PCDHA9: variants seen among roughly 807,000 people sequenced by gnomAD.
PCDHA9 encodes protocadherin alpha-9.
In PCDHA9, 62 loss-of-function variants were observed where a neutral mutation model predicts 62.0. That is an observed-to-expected ratio of 1.00 (90% CI 0.81 to 1.23). PCDHA9 has a LOEUF of 1.23. Ranked by LOEUF, PCDHA9 falls within the 50% of genes most tolerant of loss-of-function variation. PCDHA9 has a pLI of 0.00. For missense variants in PCDHA9, 1,205 were observed against 1,249.8 expected (o/e 0.96, Z 0.54); for synonymous variants, 557 against 567.6 (o/e 0.98, Z 0.27).
chr5:140,913,981 G>A (rs1222294742), intron 1 of PCDHA9, among the ~76,000 whole-genome samples: 1 of 152,090 alleles, frequency 6.6e-6, no homozygotes, highest in Non-Finnish European at 1.5e-5. Flanking sequence ...TTTAGGACTT[G>A]TATTGTGACT....
rs2150473987 is a variant in PCDHA9 at position 140,850,218 on chromosome 5, G to A, written c.1723G>A (p.Gly575Ser). 1.9e-6 allele frequency: 3 copies of A among 1,593,686 alleles called. No homozygotes were observed. The highest frequency in any genetic ancestry group is 1.3e-5 in the African/African-American group (1 of 74,440). ...GACACCTCGGATGAGGGGCACTGACGGCGCAGTGAGCGAGATGGTGCTGCG... is the reference window on the plus strand; with the variant it reads ...GACACCTCGGATGAGGGGCACTGACAGCGCAGTGAGCGAGATGGTGCTGCG... The part of the protein sequence containing the change: ...LLTPRMRGTD[G>S]AVSEMVLRSV... Residue 575 changes from glycine to serine, a missense_variant, in exon 1 of 4, where the codon GGC (glycine) becomes AGC (serine). Gly to Ser is a moderately conservative substitution (Grantham distance 56). Coordinates refer to ENST00000532602, the MANE Select transcript of PCDHA9 (RefSeq NM_031857.2).
chr5:140,918,334 A>G (rs1419491986), intron 1 of PCDHA9, among the ~76,000 whole-genome samples: 1 of 152,144 alleles, frequency 6.6e-6, no homozygotes, highest in Non-Finnish European at 1.5e-5. Context: ...ATTGTCTGCT[A>G]AGAGAGATAG....
At chr5:140,989,839 AGT>A (rs1161936815) in intron 3 of PCDHA9, among the ~76,000 whole-genome samples, 2 of 152,166 alleles carry the variant, frequency 1.3e-5, no homozygotes, top group Non-Finnish European at 2.9e-5. Context: ...CCTGTCAATG[AGT>A]GTGTGGACTG....
At chr5:140,931,044 CT>C (rs781930381) in intron 1 of PCDHA9, among the ~76,000 whole-genome samples, 67 of 152,264 alleles carry the variant, frequency 4.4e-4, no homozygotes, top group South Asian at 2.7e-3. Flanking sequence ...GCAAGAAAAA[CT>C]TCAATGCTGT....
chr5:140,927,508 C>T lies in PCDHA9; in HGVS notation c.2395-51441C>T, dbSNP rs551245842. On this transcript the variant is annotated intron_variant, in intron 1 of 3. Coordinates refer to ENST00000532602, the MANE Select transcript of PCDHA9 (RefSeq NM_031857.2). The stretch of plus-strand genomic sequence containing the variant: ...CACCCACCTGCTGGTGCTTACAGCT[C>T]GGGACGGCGGGCTACCTGCCCGCTC... The T allele has an allele frequency of 9.9e-6, 16 of 1,614,074 alleles. No individual in the cohort carries two copies. In the South Asian group the frequency reaches 1.4e-4, roughly 14 times the overall value.
intron 1 of PCDHA9, among the ~76,000 whole-genome samples, chr5:140,953,720 G>C (rs2094928996): frequency 6.6e-6 from 1 of 152,068 alleles, no homozygotes; most frequent in African/African-American, 2.4e-5. Flanking sequence ...CAGACATTGT[G>C]TTTTGAAATT....
At chr5:140,982,298 A>G (rs1371152402) in intron 2 of PCDHA9, 177 bp from the exon 3 acceptor site, 12 of 1,189,736 alleles carry the variant, frequency 1.0e-5, no homozygotes, top group Admixed American at 5.6e-5. Flanking sequence ...TAAGTCAGCA[A>G]TGCTTCTGCA....
chr5:140,856,078 C>G, intron 1 of PCDHA9: 18 of 1,594,016 alleles, frequency 1.1e-5, no homozygotes, highest in Non-Finnish European at 1.5e-5. Context: ...GCCTGGGGGT[C>G]CAGTGTCTGC....
chr5:140,929,557 A>G (rs782792383), intron 1 of PCDHA9: 64 of 478,142 alleles, frequency 1.3e-4, no homozygotes, highest in Non-Finnish European at 1.9e-4. Flanking sequence ...ATTAAAACCT[A>G]TTTAAGAACA....
intron 1 of PCDHA9, chr5:140,884,122 G>C: frequency 1.2e-6 from 2 of 1,613,306 alleles, no homozygotes. Flanking sequence ...CGGTCGGCGC[G>C]CGCATCCCGT....
rs1554142852 is a variant in PCDHA9 at position 140,849,283 on chromosome 5, A to G, written c.788A>G (p.His263Arg). 8.4e-7 allele frequency: 1 copy of G among 1,191,538 alleles called. No homozygotes were observed. The highest frequency in any genetic ancestry group is 2.6e-5 in the Admixed American group (1 of 38,598). The allele number at this position is 1,191,538 out of a possible 1,614,324, so 73.8% of individuals were successfully genotyped here. The change falls in exon 1 of 4, where the codon CAC becomes CGC. Residue 263 changes from histidine (H) to arginine (R), a missense_variant. By Grantham distance (29) the His-to-Arg change is conservative (BLOSUM62 0). This residue lies in a region of PCDHA9 where 110 missense variants were observed against 227.2 expected (regional missense o/e 0.48). Transcript: ENST00000532602. ...ENVSIGTLVI[H>R]PNASDLDEGL... ...GTTTCTATCGGAACGCTGGTGATTC[A>G]CCCCAATGCCTCAGATTTAGACGAA...
At chr5:140,907,882 G>A (rs895415928) in intron 1 of PCDHA9, among the ~76,000 whole-genome samples, 1 of 152,168 alleles carries the variant, frequency 6.6e-6, no homozygotes, top group African/African-American at 2.4e-5. Flanking sequence ...GCACTCACAT[G>A]GGATACAAAT....
At chr5:140,966,889 C>T in intron 1 of PCDHA9, 1 of 1,593,902 alleles carries the variant, frequency 6.3e-7, no homozygotes, top group Non-Finnish European at 8.5e-7. Flanking sequence ...GCCCTGCGGC[C>T]TCCCAGCTGC....
chr5:140,989,665 T>C (rs2097353443), intron 3 of PCDHA9, among the ~76,000 whole-genome samples: 1 of 152,190 alleles, frequency 6.6e-6, no homozygotes, highest in Non-Finnish European at 1.5e-5. Context: ...TAAAAGAAAC[T>C]CTGCCCAGAT....
intron 1 of PCDHA9, among the ~76,000 whole-genome samples, chr5:140,919,536 C>A (rs1554199151): frequency 6.6e-6 from 1 of 151,864 alleles, no homozygotes; most frequent in Admixed American, 6.6e-5. Context: ...TTTTCCTATA[C>A]TTTTCATTTA....
intron 1 of PCDHA9, among the ~76,000 whole-genome samples, chr5:140,941,202 C>CCTTTCTTCCTTTCTTTCTTTCTTT (rs1394736170): frequency 4.2e-3 from 519 of 122,694 alleles, no homozygotes; most frequent in African/African-American, 7.8e-3. Flanking sequence ...TTTCTTTCTT[C>CCTTTCTTCCTTTCTTTCTTTCTTT]CTTTCTTTCT....
At position 140,928,683 on chromosome 5, in the gene PCDHA9, C is replaced by T. The variant is rs868920923; in HGVS notation, c.2395-50266C>T. ...ACAGTGGTTCTAATGCCTGGCTTTC[C>T]TACCACATCTCCCGGGCGTCTGACT... On this transcript the variant is annotated intron_variant, in intron 1 of 3. Transcript: ENST00000532602. 3.7e-6 allele frequency: 6 copies of T among 1,614,172 alleles called. No individual in the cohort carries two copies. In the Middle Eastern group the frequency reaches 6.6e-4, roughly 178 times the overall value.
intron 1 of PCDHA9, among the ~76,000 whole-genome samples, chr5:140,976,335 G>T (rs1554237529): frequency 6.6e-6 from 1 of 152,140 alleles, no homozygotes; most frequent in East Asian, 1.9e-4. Flanking sequence ...TGGATTGCCT[G>T]AGGTCAGGTG....
At chr5:140,868,439 G>A (rs2050456620) in intron 1 of PCDHA9, 2 of 152,256 alleles carry the variant, frequency 1.3e-5, no homozygotes, top group South Asian at 4.2e-4. Flanking sequence ...TAGATCATGT[G>A]GAACATAAAC....
Sources: gnomAD v4.1 joint callset for allele counts (sites outside exome capture counted in the v4.1 genomes callset) on GRCh38, gnomAD v4.1.1 for gene constraint, gnomAD v4.1.1 regional missense constraint, MANE v1.5 for transcripts, NCBI Gene and HGNC (gene_info 2026-07-23, HGNC 2026-07-21) for gene names.